The following RALYL variants were observed in gnomAD, a reference collection of about 807,000 sequenced individuals.
RALYL encodes RALY RNA binding protein like.
Under a neutral mutation model 35.1 loss-of-function variants are expected in RALYL, and 29 were observed. The ratio of observed to expected loss-of-function variants is 0.83; its 90% CI spans 0.61 to 1.13. RALYL has a LOEUF of 1.13. Ranked by LOEUF, RALYL falls within the 50% of genes most tolerant of loss-of-function variation. The pLI, the probability that RALYL is intolerant of heterozygous loss-of-function variation, is 0.00. For missense variants in RALYL, 359 were observed against 360.4 expected (o/e 1.00, Z 0.03); for synonymous variants, 120 against 127.6 (o/e 0.94, Z 0.40).
At chr8:84,270,625 TAC>T (rs1256316144) in intron 1 of RALYL, among the ~76,000 whole-genome samples, 4 of 151,852 alleles carry the variant, frequency 2.6e-5, no homozygotes, top group Admixed American at 2.0e-4. Context: ...AAAACATTAT[TAC>T]ACAGTGTACT....
chr8:84,651,779 T>C (rs752625038), intron 2 of RALYL, among the ~76,000 whole-genome samples: 5 of 152,004 alleles, frequency 3.3e-5, no homozygotes, highest in Non-Finnish European at 5.9e-5. Flanking sequence ...TGAATTAGAT[T>C]TGGAGCAAAG....
At chr8:84,453,514 G>C (rs1376953082) in intron 1 of RALYL, among the ~76,000 whole-genome samples, 2 of 151,918 alleles carry the variant, frequency 1.3e-5, no homozygotes, top group Non-Finnish European at 2.9e-5. Flanking sequence ...GGTCCACAGA[G>C]TTTAATATCT....
chr8:84,518,562 T>C (rs2058232383), intron 1 of RALYL, among the ~76,000 whole-genome samples: 1 of 152,222 alleles, frequency 6.6e-6, no homozygotes, highest in African/African-American at 2.4e-5. Context: ...CAGTAGGCAT[T>C]TTCACTGTAT....
rs534853015 is a variant in RALYL at position 84,529,477 on chromosome 8, C to T, written c.156C>T (p.Ser52=). 25 of 1,613,566 alleles carry T rather than the reference C, an allele frequency of 1.5e-5. No homozygotes were observed. The highest frequency in any genetic ancestry group is 5.3e-5 in the African/African-American group (4 of 74,868). Residue 52 remains serine, a synonymous_variant, in exon 2 of 9, where the codon TCC becomes TCT. Coordinates refer to ENST00000521268, the MANE Select transcript of RALYL (RefSeq NM_173848.7). ...AGTATGGAAAAATAGTTGGATGTTC[C>T]GTTCACAAAGGTTATGCATTTGTAC... The part of the protein sequence containing the change: ...FSKYGKIVGC[S]VHKGYAFVQY...
chr8:84,554,964 T>C (rs982266940), intron 2 of RALYL, among the ~76,000 whole-genome samples: 2 of 152,200 alleles, frequency 1.3e-5, no homozygotes, highest in Non-Finnish European at 2.9e-5. Context: ...TTTACCTTTA[T>C]ATGCTGACTT....
intron 1 of RALYL, among the ~76,000 whole-genome samples, chr8:84,490,789 T>A (rs570854155): frequency 6.6e-6 from 1 of 151,776 alleles, no homozygotes; most frequent in Non-Finnish European, 1.5e-5. Flanking sequence ...AGTTCTAGGA[T>A]GGTAACTGAC....
intron 2 of RALYL, among the ~76,000 whole-genome samples, chr8:84,577,174 G>C (rs936370056): frequency 6.6e-6 from 1 of 152,190 alleles, no homozygotes; most frequent in African/African-American, 2.4e-5. Flanking sequence ...GCGTAATTAC[G>C]CACTTCCTTG....
chr8:84,850,105 C>T, intron 5 of RALYL, 78 bp downstream of exon 5: 1 of 703,780 alleles, frequency 1.4e-6, no homozygotes, highest in Non-Finnish European at 2.3e-6. Flanking sequence ...TTCATGGGTG[C>T]TCTTAATTAT....
chr8:84,670,568 G>A (rs994754640), intron 2 of RALYL, among the ~76,000 whole-genome samples: 17 of 152,202 alleles, frequency 1.1e-4, no homozygotes, highest in African/African-American at 3.9e-4. Flanking sequence ...CACATAGCTG[G>A]GAAGGCCTCA....
At chr8:84,444,440 A>G (rs2048658551) in intron 1 of RALYL, among the ~76,000 whole-genome samples, 1 of 152,162 alleles carries the variant, frequency 6.6e-6, no homozygotes, top group Non-Finnish European at 1.5e-5. Flanking sequence ...CTGAACGAGA[A>G]AAAACAACAG....
chr8:84,904,937 G>A (rs1319441714), intron 8 of RALYL, among the ~76,000 whole-genome samples: 1 of 152,092 alleles, frequency 6.6e-6, no homozygotes, highest in Non-Finnish European at 1.5e-5. Flanking sequence ...AGTGAAGAGA[G>A]ACTGAATGGA....
At chr8:84,770,254 C>A (rs1335940182) in intron 2 of RALYL, among the ~76,000 whole-genome samples, 1 of 152,008 alleles carries the variant, frequency 6.6e-6, no homozygotes. Context: ...GCCTTCATAT[C>A]TCCATAGCTT....
At chr8:84,808,024 C>A (rs1429914757) in intron 4 of RALYL, among the ~76,000 whole-genome samples, 2 of 152,130 alleles carry the variant, frequency 1.3e-5, no homozygotes, top group Non-Finnish European at 2.9e-5. Flanking sequence ...TAAGTCTCAA[C>A]TATTTATCTT....
chr8:84,801,169 A>G (rs2133970246), intron 3 of RALYL, among the ~76,000 whole-genome samples: 1 of 152,298 alleles, frequency 6.6e-6, no homozygotes, highest in Admixed American at 6.5e-5. Context: ...CATTTTGAGG[A>G]TGAGACAAAA....
At chr8:84,385,055 C>G (rs546073559) in intron 1 of RALYL, among the ~76,000 whole-genome samples, 1 of 151,730 alleles carries the variant, frequency 6.6e-6, no homozygotes, top group East Asian at 1.9e-4. Context: ...CTTCCACCCC[C>G]ACAAAGTCCA....
At chr8:84,682,670 T>C (rs1453620075) in intron 2 of RALYL, among the ~76,000 whole-genome samples, 1 of 152,146 alleles carries the variant, frequency 6.6e-6, no homozygotes, top group Non-Finnish European at 1.5e-5. Flanking sequence ...TGTATTTCTG[T>C]GGGATCAGTG....
chr8:84,686,395 A>ATTGTTTGTTTGTTTGTTTGT (rs60501106), intron 2 of RALYL, among the ~76,000 whole-genome samples: 1 of 150,044 alleles, frequency 6.7e-6, no homozygotes, highest in African/African-American at 2.5e-5. Context: ...AATACATCAT[A>ATTGTTTGTTTGTTTGTTTGT]TTGTTTGTTT....
chr8:84,859,844 C>T (rs1837777244), intron 5 of RALYL, among the ~76,000 whole-genome samples: 1 of 151,210 alleles, frequency 6.6e-6, no homozygotes, highest in South Asian at 2.1e-4. Context: ...CACTCTGTCT[C>T]AAAAAAACAA....
chr8:84,570,418 G>T (rs542623670), intron 2 of RALYL, among the ~76,000 whole-genome samples: 2 of 151,670 alleles, frequency 1.3e-5, no homozygotes, highest in South Asian at 2.1e-4. Flanking sequence ...ACTGAGTTGT[G>T]TACATTGATT....
Sources: allele counts gnomAD v4.1 joint callset (sites outside exome capture counted in the v4.1 genomes callset), GRCh38; gene constraint gnomAD v4.1.1; transcripts MANE v1.5; gene names NCBI Gene and HGNC (gene_info 2026-07-23, HGNC 2026-07-21).